Variants in KIAA1217 observed in about 807,000 individuals in gnomAD.
KIAA1217 encodes KIAA1217.
A neutral mutation model predicts 163.9 loss-of-function variants in KIAA1217; 88 were observed. That is an observed-to-expected ratio of 0.54 (90% CI 0.45 to 0.64). The LOEUF is 0.64. KIAA1217 is among the 30% of genes least tolerant of loss of function. The pLI is 0.00. For missense variants in KIAA1217, 2,372 were observed against 2,475.0 expected, an observed-to-expected ratio of 0.96 and a Z score of 0.88; for synonymous variants, 903 against 923.1, an observed-to-expected ratio of 0.98 and a Z score of 0.39.
intron 2 of KIAA1217, among the ~76,000 whole-genome samples, chr10:24,063,531 T>G (rs1050869494): frequency 6.6e-6 from 1 of 152,232 alleles, no homozygotes; most frequent in Non-Finnish European, 1.5e-5. Flanking sequence ...CATGCTGTTT[T>G]GGTTACTGTA....
intron 2 of KIAA1217, among the ~76,000 whole-genome samples, chr10:24,058,055 A>G (rs143097086): frequency 2.3e-4 from 35 of 152,294 alleles, no homozygotes; most frequent in African/African-American, 7.9e-4. Context: ...TTATTGATTC[A>G]TTTTGAGTTG....
At chr10:23,717,521 T>C (rs1227085649) in intron 1 of KIAA1217, among the ~76,000 whole-genome samples, 1 of 152,132 alleles carries the variant, frequency 6.6e-6, no homozygotes, top group African/African-American at 2.4e-5. Flanking sequence ...ACATGGAATA[T>C]ACATACATTG....
intron 2 of KIAA1217, among the ~76,000 whole-genome samples, chr10:24,235,090 G>A (rs1455558755): frequency 6.6e-6 from 1 of 152,154 alleles, no homozygotes; most frequent in East Asian, 1.9e-4. Context: ...TTCTTTGGGG[G>A]ACCTCAGTCT....
chr10:24,200,936 A>T (rs1334955415), intron 2 of KIAA1217, among the ~76,000 whole-genome samples: 1 of 152,074 alleles, frequency 6.6e-6, no homozygotes, highest in African/African-American at 2.4e-5. Flanking sequence ...GTATGTGCAG[A>T]TGAGAGGTGG....
rs78146831 is a variant in KIAA1217, at chr10:24,422,636, C to T, written c.554-10359C>T. The stretch of plus-strand genomic sequence containing the variant: ...GCACTGGAAATCAGCATCTTTCACT[C>T]AGTCTGAATTCCAGAAATCATCAAT... On this transcript the variant is annotated intron_variant, in intron 3 of 20. Coordinates refer to ENST00000376454, the MANE Select transcript of KIAA1217 (RefSeq NM_019590.5). Among the ~76,000 whole-genome samples, 1,262 of 152,334 alleles carry T rather than the reference C, an allele frequency of 8.3e-3. 24 individuals carry two copies. The highest frequency in any genetic ancestry group is 0.029 in the African/African-American group (1,208 of 41,578).
intron 1 of KIAA1217, among the ~76,000 whole-genome samples, chr10:23,792,646 C>T: frequency 6.6e-6 from 1 of 150,692 alleles, no homozygotes. Context: ...GCGCCTGCCA[C>T]CACGCCCGGC....
rs187710607 is a variant in KIAA1217 at position 24,158,680 on chromosome 10, G to A, written c.-170-60946G>A. The A allele has an allele frequency of 5.9e-6, 3 of 509,374 alleles. No homozygotes were observed. In the East Asian group the frequency reaches 1.5e-4, roughly 26 times the overall value. The allele number at this position is 509,374 out of a possible 1,614,324, so 31.6% of individuals were successfully genotyped here. On this transcript the variant is annotated intron_variant, in intron 2 of 18. Transcript: ENST00000376462. ...ACCTGAAAGTACTCCTAGGATTTCT[G>A]CCATGAGACCTCTTGCTACAGCATA...
At chr10:23,788,795 A>G (rs1413309587) in intron 1 of KIAA1217, among the ~76,000 whole-genome samples, 1 of 152,206 alleles carries the variant, frequency 6.6e-6, no homozygotes, top group African/African-American at 2.4e-5. Flanking sequence ...CAACAAGGAC[A>G]TAACACAAAA....
chr10:24,411,247 G>A (rs2057747011), intron 3 of KIAA1217, among the ~76,000 whole-genome samples: 1 of 152,048 alleles, frequency 6.6e-6, no homozygotes, highest in Admixed American at 6.6e-5. Context: ...GTGTGACTGA[G>A]TTCCTACTTA....
At chr10:24,282,667 G>C (rs1397165594) in intron 2 of KIAA1217, among the ~76,000 whole-genome samples, 1 of 151,834 alleles carries the variant, frequency 6.6e-6, no homozygotes, top group African/African-American at 2.4e-5. Flanking sequence ...TGGTTTGTGG[G>C]TTCTTTGTTT....
intron 1 of KIAA1217, among the ~76,000 whole-genome samples, chr10:23,905,088 G>T: frequency 2.9e-5 from 3 of 103,590 alleles, no homozygotes; most frequent in Non-Finnish European, 1.8e-5. Context: ...TTTTTTTTTA[G>T]CAGAGTAATC....
intron 1 of KIAA1217, among the ~76,000 whole-genome samples, chr10:23,797,327 A>G (rs943830071): frequency 6.6e-6 from 1 of 152,148 alleles, no homozygotes; most frequent in Non-Finnish European, 1.5e-5. Context: ...TACCCTGAAG[A>G]TAAGACATTT....
At chr10:23,747,453 A>C (rs2130824476) in intron 1 of KIAA1217, among the ~76,000 whole-genome samples, 1 of 152,236 alleles carries the variant, frequency 6.6e-6, no homozygotes, top group African/African-American at 2.4e-5. Flanking sequence ...CTTTGGTGTA[A>C]GTCCAGGCAA....
intron 1 of KIAA1217, among the ~76,000 whole-genome samples, chr10:24,001,280 T>C (rs1348033384): frequency 6.6e-6 from 1 of 152,210 alleles, no homozygotes; most frequent in Non-Finnish European, 1.5e-5. Flanking sequence ...CAAATGTCTG[T>C]CACAGAGCAG....
chr10:24,390,474 AG>A (rs2054725716), intron 3 of KIAA1217, among the ~76,000 whole-genome samples: 3 of 121,446 alleles, frequency 2.5e-5, no homozygotes, highest in Admixed American at 1.6e-4. Flanking sequence ...GGAGGGAGGG[AG>A]GGAAGGAAGG....
chr10:24,285,876 C>T (rs1201338396), intron 2 of KIAA1217, among the ~76,000 whole-genome samples: 1 of 152,062 alleles, frequency 6.6e-6, no homozygotes, highest in African/African-American at 2.4e-5. Flanking sequence ...TGATTTCTTT[C>T]AGCAGTGTTT....
chr10:24,358,209 G>C (rs972401336), intron 2 of KIAA1217, among the ~76,000 whole-genome samples: 3 of 152,144 alleles, frequency 2.0e-5, no homozygotes, highest in East Asian at 1.9e-4. Flanking sequence ...GAGCAAATAA[G>C]TAAAGTATCT....
At chr10:24,368,400 A>G (rs892740086) in intron 2 of KIAA1217, among the ~76,000 whole-genome samples, 29 of 151,894 alleles carry the variant, frequency 1.9e-4, no homozygotes, top group Admixed American at 2.0e-4. Context: ...CCCTCCCGCT[A>G]TTCTTTTTTT....
rs187426046 is a variant in KIAA1217, at chr10:24,525,799, C to A, written c.2898+1035C>A. Among the ~76,000 whole-genome samples, 811 of 152,026 alleles carry A rather than the reference C, an allele frequency of 5.3e-3. 4 individuals are homozygous for A. Among genetic ancestry groups the A allele is most frequent in the African/African-American group, 0.018 (745 of 41,394 alleles). On this transcript the variant is annotated intron_variant, in intron 13 of 20. Coordinates refer to ENST00000376454, the MANE Select transcript of KIAA1217 (RefSeq NM_019590.5). ...AACATGAGTGCAAGACTAGCCTGGG[C>A]AACATGACAAAGTCCCAACTCTACC...
Sources: allele counts gnomAD v4.1 joint callset (sites outside exome capture counted in the v4.1 genomes callset), GRCh38; gene constraint gnomAD v4.1.1; transcripts MANE v1.5; gene names NCBI Gene and HGNC (gene_info 2026-07-23, HGNC 2026-07-21).